The following NLGN1 variants were observed in gnomAD, a reference collection of about 807,000 sequenced individuals.
NLGN1 encodes the protein neuroligin-1.
Under a neutral mutation model 65.5 loss-of-function variants are expected in NLGN1, and 12 were observed. That is an observed-to-expected ratio of 0.18 (90% CI 0.12 to 0.30). NLGN1 has a LOEUF of 0.30. NLGN1 is among the 10% of genes least tolerant of loss of function. The pLI is 1.00. For synonymous variants in NLGN1, 350 were observed against 359.5 expected, an observed-to-expected ratio of 0.97 and a Z score of 0.30; for missense variants, 750 against 1,007.1, an observed-to-expected ratio of 0.74 and a Z score of 3.46.
At chr3:174,035,935 C>T (rs1440568285) in intron 4 of NLGN1, among the ~76,000 whole-genome samples, 1 of 152,080 alleles carries the variant, frequency 6.6e-6, no homozygotes, top group Non-Finnish European at 1.5e-5. Context: ...TTCTGCACGA[C>T]CAACCTTATA....
chr3:173,522,869 A>C (rs545506915), intron 2 of NLGN1, among the ~76,000 whole-genome samples: 1 of 152,184 alleles, frequency 6.6e-6, no homozygotes, highest in Non-Finnish European at 1.5e-5. Context: ...GGGTTTAACT[A>C]TATTTACATT....
At chr3:174,092,069 T>C (rs1239737033) in intron 4 of NLGN1, among the ~76,000 whole-genome samples, 2 of 152,062 alleles carry the variant, frequency 1.3e-5, no homozygotes, top group Non-Finnish European at 2.9e-5. Context: ...AGAATATAAA[T>C]ATGTATGAAG....
chr3:174,130,536 G>A (rs1719954591), intron 4 of NLGN1, among the ~76,000 whole-genome samples: 1 of 152,082 alleles, frequency 6.6e-6, no homozygotes, highest in Admixed American at 6.5e-5. Flanking sequence ...AAGGAATAAA[G>A]GCATTCATCC....
chr3:173,873,588 A>G (rs1731585905), intron 4 of NLGN1, among the ~76,000 whole-genome samples: 1 of 152,198 alleles, frequency 6.6e-6, no homozygotes, highest in East Asian at 1.9e-4. Context: ...TTGTATTTCA[A>G]TGTGGATTTA....
chr3:173,774,613 C>T (rs1396749958), intron 3 of NLGN1, among the ~76,000 whole-genome samples: 1 of 152,044 alleles, frequency 6.6e-6, no homozygotes, highest in Non-Finnish European at 1.5e-5. Flanking sequence ...TGGGCCTGGT[C>T]TTTTCTTGGT....
At chr3:174,212,116 C>G (rs977026911) in intron 4 of NLGN1, among the ~76,000 whole-genome samples, 1 of 152,202 alleles carries the variant, frequency 6.6e-6, no homozygotes, top group Non-Finnish European at 1.5e-5. Flanking sequence ...AGCCCTGCCC[C>G]GCGGGAGGGC....
intron 3 of NLGN1, among the ~76,000 whole-genome samples, chr3:173,723,958 T>C (rs903694921): frequency 2.0e-5 from 3 of 152,150 alleles, no homozygotes; most frequent in African/African-American, 7.2e-5. Flanking sequence ...AGATTATTGA[T>C]AATTGGATGA....
At chr3:173,621,022 C>T (rs554897902) in intron 3 of NLGN1, among the ~76,000 whole-genome samples, 50 of 152,144 alleles carry the variant, frequency 3.3e-4, no homozygotes, top group African/African-American at 1.0e-3. Flanking sequence ...CGTGTATTTC[C>T]GAGCATTTAC....
At chr3:174,185,534 A>G (rs891227493) in intron 4 of NLGN1, among the ~76,000 whole-genome samples, 1 of 152,146 alleles carries the variant, frequency 6.6e-6, no homozygotes, top group African/African-American at 2.4e-5. Context: ...AACTTCTTGA[A>G]GGCAAGAATG....
intron 3 of NLGN1, among the ~76,000 whole-genome samples, chr3:173,759,108 G>T (rs188495463): frequency 1.3e-5 from 2 of 151,588 alleles, no homozygotes; most frequent in Non-Finnish European, 3.0e-5. Flanking sequence ...ATGTACCCTA[G>T]AATCTCAATT....
intron 3 of NLGN1, among the ~76,000 whole-genome samples, chr3:173,747,092 AAACAC>A (rs1578233648): frequency 6.8e-6 from 1 of 147,092 alleles, no homozygotes; most frequent in East Asian, 2.1e-4. Flanking sequence ...ACACACACAC[AAACAC>A]ACACGTGTGT....
chr3:173,835,502 A>C (rs1723449840), intron 4 of NLGN1, among the ~76,000 whole-genome samples: 1 of 151,820 alleles, frequency 6.6e-6, no homozygotes, highest in Admixed American at 6.6e-5. Flanking sequence ...TTTCATGTTT[A>C]ATAGAGATAA....
At chr3:173,757,198 A>C (rs1777266936) in intron 3 of NLGN1, among the ~76,000 whole-genome samples, 1 of 152,044 alleles carries the variant, frequency 6.6e-6, no homozygotes, top group Admixed American at 6.6e-5. Flanking sequence ...GATGAATGAA[A>C]CCATTGGATG....
intron 4 of NLGN1, among the ~76,000 whole-genome samples, chr3:174,079,361 T>C (rs1223838482): frequency 6.6e-6 from 1 of 152,116 alleles, no homozygotes; most frequent in Non-Finnish European, 1.5e-5. Context: ...CCAGTCAGAA[T>C]GGTTAAAGAA....
At chr3:173,826,297 ACCT>A (rs1389089319) in intron 4 of NLGN1, among the ~76,000 whole-genome samples, 1 of 151,848 alleles carries the variant, frequency 6.6e-6, no homozygotes, top group Non-Finnish European at 1.5e-5. Flanking sequence ...TCAATACCTG[ACCT>A]CCTCATTTCC....
chr3:173,998,216 C>G (rs1466668186), intron 4 of NLGN1, among the ~76,000 whole-genome samples: 1 of 152,182 alleles, frequency 6.6e-6, no homozygotes, highest in Non-Finnish European at 1.5e-5. Flanking sequence ...TCAAAGCAGT[C>G]ATTCTGTTCA....
At chr3:174,201,029 G>T (rs1161155180) in intron 4 of NLGN1, among the ~76,000 whole-genome samples, 5 of 152,062 alleles carry the variant, frequency 3.3e-5, no homozygotes, top group African/African-American at 1.2e-4. Flanking sequence ...TTGGGCCCAG[G>T]AGTTTGAGAC....
At chr3:173,853,442 GTCA>G (rs1727362353) in intron 4 of NLGN1, among the ~76,000 whole-genome samples, 1 of 152,048 alleles carries the variant, frequency 6.6e-6, no homozygotes, top group Non-Finnish European at 1.5e-5. Context: ...CCGAAATTGA[GTCA>G]TCTTTTCAGA....
chr3:173,565,882 T>A (rs939076479), intron 2 of NLGN1, among the ~76,000 whole-genome samples: 1 of 152,206 alleles, frequency 6.6e-6, no homozygotes, highest in Non-Finnish European at 1.5e-5. Context: ...ATTTCTTTTG[T>A]GTGAAAGTAA....
Sources: allele counts gnomAD v4.1 joint callset (sites outside exome capture counted in the v4.1 genomes callset), GRCh38; gene constraint gnomAD v4.1.1; transcripts MANE v1.5; gene names NCBI Gene and HGNC (gene_info 2026-07-23, HGNC 2026-07-21).